The following PCDHGA12 variants were observed in gnomAD, a reference collection of about 807,000 sequenced individuals.
PCDHGA12 encodes protocadherin gamma-A12.
PCDHGA12 carries 43 observed loss-of-function variants against 61.1 expected under a neutral mutation model. That is an observed-to-expected ratio of 0.70 (90% CI 0.55 to 0.91). PCDHGA12 has a LOEUF of 0.91. PCDHGA12 is among the 40% of genes least tolerant of loss of function. The pLI is 0.00. For missense variants in PCDHGA12, 1,236 were observed against 1,227.7 expected, an observed-to-expected ratio of 1.01 and a Z score of -0.10; for synonymous variants, 520 against 542.9, an observed-to-expected ratio of 0.96 and a Z score of 0.59.
chr5:141,491,438 G>T lies in PCDHGA12; in HGVS notation c.2425-3369G>T, dbSNP rs376927300. 3.7e-6 allele frequency: 6 copies of T among 1,613,948 alleles called. No homozygotes were observed. The African/African-American group carries it at 4.0e-5, about 11-fold the overall frequency. ...GGGGGTGGAGGGCAGTGCTGCAGGCGCCAGGACTCACCCTCCCCGGACTTC... is the reference window on the plus strand; with the variant it reads ...GGGGGTGGAGGGCAGTGCTGCAGGCTCCAGGACTCACCCTCCCCGGACTTC... On this transcript the variant is annotated intron_variant, in intron 1 of 3. Transcript: ENST00000252085. The surrounding 1 kb of genome is among the most constrained non-coding windows in gnomAD (Gnocchi z 6.9).
At chr5:141,438,248 C>A (rs1370527448) in intron 1 of PCDHGA12, among the ~76,000 whole-genome samples, 1 of 151,970 alleles carries the variant, frequency 6.6e-6, no homozygotes, top group Non-Finnish European at 1.5e-5. Flanking sequence ...AAAAAACTGT[C>A]ATTGAAGAGA....
Position 141,487,413 on chromosome 5 carries a change from A to G in PCDHGA12, c.2425-7394A>G, listed in dbSNP as rs1562119204. The G allele has an allele frequency of 1.2e-6, 2 of 1,614,172 alleles. No homozygotes were observed. The highest frequency in any genetic ancestry group is 2.2e-5 in the East Asian group (1 of 44,862). ...AGGAGGGAGGGGCTTCCCCCTTCCA[A>G]TGGGATCCTCCGAATCCAGCTAGGG... On this transcript the variant is annotated intron_variant, in intron 1 of 3. Coordinates refer to ENST00000252085, the MANE Select transcript of PCDHGA12 (RefSeq NM_003735.3). This position sits in a 1 kb window ranked among gnomAD's most constrained non-coding sequence, Gnocchi z 5.0.
chr5:141,433,993 T>G (rs1367687577), intron 1 of PCDHGA12, among the ~76,000 whole-genome samples: 1 of 152,216 alleles, frequency 6.6e-6, no homozygotes, highest in Non-Finnish European at 1.5e-5. Context: ...GAGTTTTATA[T>G]TCTCTATATA....
At position 141,486,927 on chromosome 5, in the gene PCDHGA12, G is replaced by A; in HGVS notation, c.2425-7880G>A. ...CCCCAAGCACTGCCTCCATCAGTTG[G>A]TGCTGGCCACCTAATCACAAAGGTG... On this transcript the variant is annotated intron_variant, in intron 1 of 3. Transcript: ENST00000252085. The surrounding 1 kb of genome is among the most constrained non-coding windows in gnomAD (Gnocchi z 5.0). 4 of 1,614,226 alleles carry A rather than the reference G, an allele frequency of 2.5e-6. No individual in the cohort carries two copies. Among genetic ancestry groups the A allele is most frequent in the Non-Finnish European group, 3.4e-6 (4 of 1,180,046 alleles).
chr5:141,467,055 CTTT>C (rs1193465269), intron 1 of PCDHGA12, among the ~76,000 whole-genome samples: 5 of 134,460 alleles, frequency 3.7e-5, no homozygotes, highest in Admixed American at 7.5e-5. Context: ...TCAATGTTTT[CTTT>C]TTTTTTTTTT....
chr5:141,443,436 T>A (rs1435598893), intron 1 of PCDHGA12, among the ~76,000 whole-genome samples: 1 of 152,132 alleles, frequency 6.6e-6, no homozygotes, highest in Admixed American at 6.6e-5. Context: ...CAGTGAGCTG[T>A]GGTTGCGCTC....
Position 141,489,714 on chromosome 5 carries a change from G to C in PCDHGA12, c.2425-5093G>C, listed in dbSNP as rs770143357. On this transcript the variant is annotated intron_variant, in intron 1 of 3. Coordinates refer to ENST00000252085, the MANE Select transcript of PCDHGA12 (RefSeq NM_003735.3). The surrounding 1 kb of genome is among the most constrained non-coding windows in gnomAD (Gnocchi z 4.5). Reference sequence around the variant, plus strand: ...CACGATTCCCACTGGACAGTGCCCAGGATCCGGATGTGGGCACCAATACTG... The same window carrying C: ...CACGATTCCCACTGGACAGTGCCCACGATCCGGATGTGGGCACCAATACTG... 7.4e-6 allele frequency: 12 copies of C among 1,613,958 alleles called. No individual in the cohort carries two copies. The highest frequency in any genetic ancestry group is 1.0e-5 in the Non-Finnish European group (12 of 1,179,930).
chr5:141,461,639 C>T (rs1041604977), intron 1 of PCDHGA12, among the ~76,000 whole-genome samples: 12 of 152,088 alleles, frequency 7.9e-5, no homozygotes, highest in Non-Finnish European at 1.6e-4. Flanking sequence ...GCAATTTCTT[C>T]TTTGACCCAT....
Position 141,430,586 on chromosome 5 carries a change from C to G in PCDHGA12, c.-174C>G. 1.9e-6 allele frequency: 1 copy of G among 517,248 alleles called. No homozygotes were observed. Among genetic ancestry groups the G allele is most frequent in the Non-Finnish European group, 3.1e-6 (1 of 318,514 alleles). The allele number at this position is 517,248 out of a possible 1,614,324, so 32.0% of individuals were successfully genotyped here. A position where few individuals can be genotyped will look rare whatever the true frequency, so the allele number is the denominator to read the frequency against. On this transcript the variant is annotated 5_prime_UTR_variant, in exon 1 of 4. Transcript: ENST00000252085. Reference sequence around the variant, plus strand: ...AGAGAAAAGCGGAGATCCTGCTCGCCTTGCACGCGCCTGAAGCACAAAGCA... The same window carrying G: ...AGAGAAAAGCGGAGATCCTGCTCGCGTTGCACGCGCCTGAAGCACAAAGCA...
intron 3 of PCDHGA12, among the ~76,000 whole-genome samples, chr5:141,505,926 G>A (rs114056147): frequency 0.012 from 1,893 of 152,254 alleles, 12 homozygotes; most frequent in Middle Eastern, 0.034. Context: ...TGGGCCTGGC[G>A]CTTGGAAGCC....
chr5:141,491,178 C>T lies in PCDHGA12; in HGVS notation c.2425-3629C>T, dbSNP rs774139827. 6.2e-7 allele frequency: 1 copy of T among 1,614,146 alleles called. No individual in the cohort carries two copies. The highest frequency in any genetic ancestry group is 8.5e-7 in the Non-Finnish European group (1 of 1,179,992). On this transcript the variant is annotated intron_variant, in intron 1 of 3. Coordinates refer to ENST00000252085, the MANE Select transcript of PCDHGA12 (RefSeq NM_003735.3). The surrounding 1 kb of genome is among the most constrained non-coding windows in gnomAD (Gnocchi z 6.9). ...ACTCTGACACCCAGCAGGTGGTGGT[C>T]CTGGTGAGGGACAATGGTGACCCTT...
chr5:141,453,050 C>A (rs2098754757), intron 1 of PCDHGA12, among the ~76,000 whole-genome samples: 3 of 152,006 alleles, frequency 2.0e-5, no homozygotes, highest in Non-Finnish European at 4.4e-5. Context: ...CTATTATGTG[C>A]AGTTTTAGAG....
At position 141,476,033 on chromosome 5, in the gene PCDHGA12, C is replaced by T; in HGVS notation, c.2425-18774C>T. On this transcript the variant is annotated intron_variant, in intron 1 of 3. Transcript: ENST00000252085. The surrounding 1 kb of genome is among the most constrained non-coding windows in gnomAD (Gnocchi z 7.6). The stretch of plus-strand genomic sequence containing the variant: ...GCCATGTCGGACTCGGCGCCCAGCG[C>T]CCAAGCGCTAACCCGCTGAAAGTTT... 6.8e-7 allele frequency: 1 copy of T among 1,469,590 alleles called. No individual in the cohort carries two copies. Among genetic ancestry groups the T allele is most frequent in the Non-Finnish European group, 9.0e-7 (1 of 1,105,326 alleles). 91.0% of individuals were successfully genotyped at this position (1,469,590 alleles called of 1,614,324 possible). A position where few individuals can be genotyped will look rare whatever the true frequency, so the allele number is the denominator to read the frequency against.
chr5:141,487,491 C>A lies in PCDHGA12; in HGVS notation c.2425-7316C>A. On this transcript the variant is annotated intron_variant, in intron 1 of 3. Transcript: ENST00000252085. This position sits in a 1 kb window ranked among gnomAD's most constrained non-coding sequence, Gnocchi z 5.0. The stretch of plus-strand genomic sequence containing the variant: ...GTGGGAGGCCACTCTCATGGCTGTA[C>A]ACCCTTGGCTTCTGCACCCACTCGG... The A allele has an allele frequency of 6.2e-7, 1 of 1,614,204 alleles. No individual in the cohort carries two copies. The highest frequency in any genetic ancestry group is 8.5e-7 in the Non-Finnish European group (1 of 1,180,034).
chr5:141,470,855 G>A (rs2099242095), intron 1 of PCDHGA12, among the ~76,000 whole-genome samples: 3 of 151,856 alleles, frequency 2.0e-5, no homozygotes, highest in Admixed American at 2.0e-4. Context: ...GCTCAGATAA[G>A]TTTTTTGTTT....
At chr5:141,436,053 A>G (rs971342534) in intron 1 of PCDHGA12, among the ~76,000 whole-genome samples, 2 of 152,232 alleles carry the variant, frequency 1.3e-5, no homozygotes, top group African/African-American at 2.4e-5. Flanking sequence ...TAGTTTTCAA[A>G]TAGAATTTAA....
chr5:141,431,527 C>T lies in PCDHGA12; in HGVS notation c.768C>T (p.Ala256=). The T allele has an allele frequency of 1.2e-6, 2 of 1,614,086 alleles. No homozygotes were observed. The highest frequency in any genetic ancestry group is 2.2e-5 in the East Asian group (1 of 44,888). The part of the protein sequence containing the change: ...EYRASVPENL[A]LGTQLLVVNA... ...GCGCGAGCGTTCCGGAGAATCTGGC[C>T]TTGGGCACGCAGCTGCTTGTAGTCA... The change falls in exon 1 of 4, where the codon GCC becomes GCT. Residue 256 remains alanine (A), a synonymous_variant. Coordinates refer to ENST00000252085, the MANE Select transcript of PCDHGA12 (RefSeq NM_003735.3). This position sits in a 1 kb window ranked among gnomAD's most constrained non-coding sequence, Gnocchi z 4.8.
Position 141,491,140 on chromosome 5 carries a change from T to A in PCDHGA12, c.2425-3667T>A, listed in dbSNP as rs1392575961. On this transcript the variant is annotated intron_variant, in intron 1 of 3. Coordinates refer to ENST00000252085, the MANE Select transcript of PCDHGA12 (RefSeq NM_003735.3). This position sits in a 1 kb window ranked among gnomAD's most constrained non-coding sequence, Gnocchi z 6.9. ...TGGTGAGGTGCGCACAGCCCGGGCC[T>A]TACTGGAGGATGACTCTGACACCCA... 2 of 1,614,110 alleles carry A rather than the reference T, an allele frequency of 1.2e-6. No individual in the cohort carries two copies. Among genetic ancestry groups the A allele is most frequent in the Non-Finnish European group, 1.7e-6 (2 of 1,179,992 alleles).
In PCDHGA12 at chr5:141,485,234, T is replaced by A. The variant is rs780126313; in HGVS notation, c.2425-9573T>A. 1 of 1,614,124 alleles carries A rather than the reference T, an allele frequency of 6.2e-7. No homozygotes were observed. The highest frequency in any genetic ancestry group is 1.1e-5 in the South Asian group (1 of 91,080). On this transcript the variant is annotated intron_variant, in intron 1 of 3. Transcript: ENST00000252085. This position sits in a 1 kb window ranked among gnomAD's most constrained non-coding sequence, Gnocchi z 5.7. ...GCGGTGGGCTACCCTTTTGTTCCTC[T>A]TTTACCACCTGGGTTACGTTTGTGG...
Sources: allele counts gnomAD v4.1 joint callset (sites outside exome capture counted in the v4.1 genomes callset), GRCh38; gene constraint gnomAD v4.1.1; non-coding constraint Gnocchi (gnomAD v3.1); transcripts MANE v1.5; gene names NCBI Gene and HGNC (gene_info 2026-07-23, HGNC 2026-07-21).